Variants in WDR64 observed in about 807,000 individuals in gnomAD.
WDR64 encodes the protein WD repeat-containing protein 64.
Under a neutral mutation model 139.3 loss-of-function variants are expected in WDR64, and 112 were observed. The observed-to-expected ratio is 0.80, with a 90% CI of 0.69 to 0.94. The LOEUF is 0.94. Among genes scored for constraint, WDR64 ranks in the 40% least tolerant of loss-of-function variants. The pLI is 0.00. For missense variants in WDR64, 1,206 were observed against 1,293.1 expected (o/e 0.93, Z 1.03); for synonymous variants, 444 against 437.7 (o/e 1.01, Z -0.18).
chr1:241,796,413 A>G, intron 27 of WDR64, 43 bp downstream of exon 27: 2 of 1,281,056 alleles, frequency 1.6e-6, no homozygotes, highest in Middle Eastern at 1.9e-4. Flanking sequence ...ATTTCAGTGT[A>G]TCCTATTTCT....
At chr1:241,792,541 A>G (rs1158677792) in intron 25 of WDR64, among the ~76,000 whole-genome samples, 1 of 152,064 alleles carries the variant, frequency 6.6e-6, no homozygotes, top group Admixed American at 6.5e-5. Context: ...GTCTCAAAAA[A>G]TAAATAAATA....
intron 14 of WDR64, among the ~76,000 whole-genome samples, chr1:241,755,229 T>C (rs981233308): frequency 6.6e-6 from 1 of 152,188 alleles, no homozygotes; most frequent in African/African-American, 2.4e-5. Context: ...CTCTCCAGCA[T>C]CTGTTGTTTC....
intron 8 of WDR64, among the ~76,000 whole-genome samples, chr1:241,692,244 T>C (rs925453798): frequency 6.6e-6 from 1 of 152,036 alleles, no homozygotes; most frequent in Non-Finnish European, 1.5e-5. Context: ...ATATGTAGAG[T>C]CAATGCGATC....
At chr1:241,798,761 T>C (rs891669170) in intron 27 of WDR64, among the ~76,000 whole-genome samples, 3 of 152,212 alleles carry the variant, frequency 2.0e-5, no homozygotes, top group African/African-American at 7.2e-5. Flanking sequence ...ATAACAGATA[T>C]CTTAGTCTAT....
chr1:241,684,786 C>T (rs1195793768), intron 7 of WDR64, among the ~76,000 whole-genome samples: 1 of 152,180 alleles, frequency 6.6e-6, no homozygotes, highest in East Asian at 1.9e-4. Flanking sequence ...TTGACAGAGT[C>T]TCACTCTGTC....
chr1:241,667,579 A>G (rs1005244737), intron 2 of WDR64, among the ~76,000 whole-genome samples: 1 of 152,208 alleles, frequency 6.6e-6, no homozygotes, highest in Non-Finnish European at 1.5e-5. Flanking sequence ...GATTCCAAGC[A>G]TGATGGGGGA....
intron 2 of WDR64, among the ~76,000 whole-genome samples, chr1:241,668,372 G>A (rs968897577): frequency 6.6e-6 from 1 of 151,422 alleles, no homozygotes; most frequent in Non-Finnish European, 1.5e-5. Flanking sequence ...GCTGGGTGTG[G>A]TGGCAGGATT....
chr1:241,801,267 A>C lies in WDR64; in HGVS notation c.*52A>C. 1.4e-6 allele frequency: 2 copies of C among 1,446,784 alleles called. No individual in the cohort carries two copies. Among genetic ancestry groups the C allele is most frequent in the Non-Finnish European group, 9.7e-7 (1 of 1,031,114 alleles). 89.6% of individuals were successfully genotyped at this position (1,446,784 alleles called of 1,614,324 possible). A position where few individuals can be genotyped will look rare whatever the true frequency, so the allele number is the denominator to read the frequency against. On this transcript the variant is annotated 3_prime_UTR_variant, in exon 28 of 28. Coordinates refer to ENST00000437684, the MANE Select transcript of WDR64 (RefSeq NM_001367482.1). ...CACATAAAATGGCAACGTTTGGATG[A>C]TACCTGCTCTTTATTTCAGGATGAG...
At chr1:241,761,295 G>T (rs887612335) in intron 15 of WDR64, among the ~76,000 whole-genome samples, 2 of 152,080 alleles carry the variant, frequency 1.3e-5, no homozygotes, top group Non-Finnish European at 2.9e-5. Context: ...AAAATTACAT[G>T]ATGTAAAAAT....
intron 10 of WDR64, among the ~76,000 whole-genome samples, chr1:241,736,714 G>A (rs1291321488): frequency 6.6e-6 from 1 of 152,132 alleles, no homozygotes; most frequent in African/African-American, 2.4e-5. Flanking sequence ...ATGAAGAAGA[G>A]AAAGAAGGCA....
chr1:241,791,272 C>T (rs1389884847), intron 25 of WDR64, among the ~76,000 whole-genome samples: 2 of 152,036 alleles, frequency 1.3e-5, no homozygotes, highest in Non-Finnish European at 2.9e-5. Context: ...GGCAACATAG[C>T]GAGACTCCCT....
chr1:241,680,325 C>T (rs1446441904), intron 6 of WDR64, among the ~76,000 whole-genome samples: 1 of 152,164 alleles, frequency 6.6e-6, no homozygotes, highest in Non-Finnish European at 1.5e-5. Context: ...AACTAACCTT[C>T]TTTTGCTATT....
intron 3 of WDR64, 123 bp downstream of exon 3, chr1:241,671,299 A>G (rs543176201): frequency 2.9e-6 from 2 of 685,030 alleles, no homozygotes; most frequent in African/African-American, 3.6e-5. Context: ...CTTTATCACT[A>G]GGTGTCGGGG....
At position 241,796,380 on chromosome 1, in the gene WDR64, T is replaced by C. The variant is rs747971349; in HGVS notation, c.3192+10T>C. 14 of 1,568,864 alleles carry C rather than the reference T, an allele frequency of 8.9e-6. No individual in the cohort carries two copies. In the South Asian group the frequency reaches 1.5e-4, roughly 16 times the overall value. On this transcript the variant is annotated intron_variant, in intron 27 of 27. Coordinates refer to ENST00000437684, the MANE Select transcript of WDR64 (RefSeq NM_001367482.1). ...TGTTCAACGTGAAAAAGTAAGTTAG[T>C]ACTAATTCCACCGTTAACTCCAATT...
At chr1:241,672,169 TCAAA>T (rs756991263) in intron 3 of WDR64, among the ~76,000 whole-genome samples, 35 of 152,108 alleles carry the variant, frequency 2.3e-4, no homozygotes, top group Non-Finnish European at 3.4e-4. Flanking sequence ...AGACTCTGTC[TCAAA>T]CAAACAAACA....
At chr1:241,696,341 CT>C (rs1383521002) in intron 8 of WDR64, among the ~76,000 whole-genome samples, 1 of 151,874 alleles carries the variant, frequency 6.6e-6, no homozygotes, top group African/African-American at 2.4e-5. Flanking sequence ...GAAAGGGATC[CT>C]GATCCTGACC....
intron 15 of WDR64, among the ~76,000 whole-genome samples, chr1:241,759,833 C>T (rs914050676): frequency 6.6e-6 from 1 of 152,312 alleles, no homozygotes; most frequent in African/African-American, 2.4e-5. Flanking sequence ...CAGATGCTTT[C>T]ATCTTGCAAA....
At chr1:241,743,286 G>A (rs967954692) in intron 12 of WDR64, among the ~76,000 whole-genome samples, 3 of 152,120 alleles carry the variant, frequency 2.0e-5, no homozygotes, top group Non-Finnish European at 4.4e-5. Context: ...TGCAGGCCAG[G>A]AGATGGGTGA....
At chr1:241,793,906 G>A (rs1448662846) in intron 25 of WDR64, among the ~76,000 whole-genome samples, 1 of 152,212 alleles carries the variant, frequency 6.6e-6, no homozygotes, top group African/African-American at 2.4e-5. Context: ...ATTCAGCTGG[G>A]TGTGGTGGCT....
Sources: allele counts gnomAD v4.1 joint callset (sites outside exome capture counted in the v4.1 genomes callset), GRCh38; gene constraint gnomAD v4.1.1; transcripts MANE v1.5; gene names NCBI Gene and HGNC (gene_info 2026-07-23, HGNC 2026-07-21).